The following GABRB2 variants were observed in gnomAD, a reference collection of about 807,000 sequenced individuals.
The protein encoded by GABRB2 is gamma-aminobutyric acid type A receptor subunit beta2, also known as gamma-aminobutyric acid receptor subunit beta-2.
A neutral mutation model predicts 54.7 loss-of-function variants in GABRB2; 16 were observed. The observed-to-expected ratio is 0.29, with a 90% CI of 0.20 to 0.44. GABRB2 has a LOEUF of 0.44. Among genes scored for constraint, GABRB2 ranks in the 20% least tolerant of loss-of-function variants. The probability of loss-of-function intolerance (pLI) is 1.00; values close to 1 mark genes in which losing one functional copy is unlikely to be tolerated. For missense variants in GABRB2, 355 were observed against 644.0 expected, an observed-to-expected ratio of 0.55 and a Z score of 4.86; for synonymous variants, 244 against 233.8, an observed-to-expected ratio of 1.04 and a Z score of -0.40.
chr5:161,382,126 A>G (rs1427616188), intron 5 of GABRB2, among the ~76,000 whole-genome samples: 1 of 152,142 alleles, frequency 6.6e-6, no homozygotes, highest in Non-Finnish European at 1.5e-5. Context: ...TTGGTCCAAT[A>G]CATTGAAGGC....
intron 9 of GABRB2, among the ~76,000 whole-genome samples, chr5:161,321,370 T>C (rs907840331): frequency 6.6e-6 from 1 of 152,112 alleles, no homozygotes; most frequent in Admixed American, 6.6e-5. Context: ...ATATTTATTA[T>C]CCAGCTTTTT....
intron 3 of GABRB2, among the ~76,000 whole-genome samples, chr5:161,463,918 A>G (rs567362044): frequency 6.6e-6 from 1 of 151,956 alleles, no homozygotes; most frequent in African/African-American, 2.4e-5. Context: ...AAAAAATTTG[A>G]CCCATACTTC....
chr5:161,505,409 G>A (rs576162209), intron 3 of GABRB2, among the ~76,000 whole-genome samples: 70 of 152,228 alleles, frequency 4.6e-4, no homozygotes, highest in African/African-American at 1.7e-3. Flanking sequence ...GGGATTACAG[G>A]CGTGAGCCAC....
At chr5:161,308,496 A>G (rs1207423050) in intron 9 of GABRB2, among the ~76,000 whole-genome samples, 1 of 152,226 alleles carries the variant, frequency 6.6e-6, no homozygotes, top group Non-Finnish European at 1.5e-5. Context: ...CAGAACTAGA[A>G]AAAACTATCC....
In GABRB2 at chr5:161,326,559, G is replaced by T. The variant is rs1758369969; in HGVS notation, c.1078-78C>A. On this transcript the variant is annotated intron_variant, in intron 8 of 9. Coordinates refer to ENST00000393959, the MANE Select transcript of GABRB2 (RefSeq NM_001371727.1). ...TAGGCCTGATGGTTAAAGTAAATTG[G>T]ATATAGATAAATGCTACTGGCCTTT... 6.1e-6 allele frequency: 9 copies of T among 1,480,922 alleles called. 1 individual carries two copies. In the South Asian group the frequency reaches 1.3e-4, roughly 21 times the overall value. The allele number at this position is 1,480,922 out of a possible 1,614,324, so 91.7% of individuals were successfully genotyped here. A position where few individuals can be genotyped will look rare whatever the true frequency, so the allele number is the denominator to read the frequency against.
intron 4 of GABRB2, among the ~76,000 whole-genome samples, chr5:161,444,071 C>T (rs2113216928): frequency 6.6e-6 from 1 of 152,234 alleles, no homozygotes; most frequent in East Asian, 1.9e-4. Flanking sequence ...GTCAAAGGGG[C>T]TTAAATACTT....
intron 3 of GABRB2, among the ~76,000 whole-genome samples, chr5:161,498,059 T>C (rs902176675): frequency 6.6e-6 from 1 of 152,162 alleles, no homozygotes; most frequent in Non-Finnish European, 1.5e-5. Flanking sequence ...CCATAATTTT[T>C]GTTGAAAAGC....
intron 4 of GABRB2, among the ~76,000 whole-genome samples, chr5:161,412,775 A>T (rs1460904230): frequency 2.0e-5 from 3 of 152,214 alleles, no homozygotes. Flanking sequence ...CCCTCAGTTA[A>T]AAATGACCTT....
chr5:161,410,859 T>C, intron 5 of GABRB2, 116 bp downstream of exon 5: 2 of 680,684 alleles, frequency 2.9e-6, no homozygotes, highest in South Asian at 4.2e-5. Flanking sequence ...CCAAATTTAG[T>C]TGGGCTAGCA....
intron 3 of GABRB2, among the ~76,000 whole-genome samples, chr5:161,471,407 T>A (rs147387575): frequency 5.3e-4 from 80 of 152,136 alleles, no homozygotes; most frequent in South Asian, 3.5e-3. Flanking sequence ...ATAGAAGGCA[T>A]CACGCCAGAT....
chr5:161,351,390 A>G (rs1318250439), intron 5 of GABRB2, among the ~76,000 whole-genome samples: 1 of 152,130 alleles, frequency 6.6e-6, no homozygotes, highest in African/African-American at 2.4e-5. Flanking sequence ...CCAGAAATAA[A>G]TCCACATATT....
chr5:161,420,538 G>A (rs73800505), intron 4 of GABRB2, among the ~76,000 whole-genome samples: 2,234 of 152,196 alleles, frequency 0.015, 54 homozygotes, highest in African/African-American at 0.05. Context: ...TTGGAGGAGC[G>A]GGAGACCAGG....
At chr5:161,531,862 A>T (rs1760474161) in intron 3 of GABRB2, among the ~76,000 whole-genome samples, 2 of 152,168 alleles carry the variant, frequency 1.3e-5, no homozygotes, top group Non-Finnish European at 2.9e-5. Context: ...GCATATTAAT[A>T]CATAAATAAA....
intron 9 of GABRB2, among the ~76,000 whole-genome samples, chr5:161,313,549 G>C (rs567020548): frequency 6.7e-6 from 1 of 149,800 alleles, no homozygotes; most frequent in Non-Finnish European, 1.5e-5. Flanking sequence ...ACTGACTGCC[G>C]TTAGACTGAG....
chr5:161,399,556 T>A (rs1756118415), intron 5 of GABRB2, among the ~76,000 whole-genome samples: 2 of 152,158 alleles, frequency 1.3e-5, no homozygotes, highest in Admixed American at 1.3e-4. Flanking sequence ...CCAGCAGGAC[T>A]AGTGGCTGCC....
At chr5:161,343,457 ATT>A (rs1481379536) in intron 5 of GABRB2, among the ~76,000 whole-genome samples, 2 of 152,056 alleles carry the variant, frequency 1.3e-5, no homozygotes, top group Non-Finnish European at 2.9e-5. Flanking sequence ...AAAATGTCAG[ATT>A]GTGGGTTTTA....
chr5:161,389,359 C>A (rs909435112), intron 5 of GABRB2, among the ~76,000 whole-genome samples: 1 of 152,000 alleles, frequency 6.6e-6, no homozygotes, highest in African/African-American at 2.4e-5. Context: ...ATTATTTCTT[C>A]TACTGACTCA....
intron 4 of GABRB2, among the ~76,000 whole-genome samples, chr5:161,450,076 C>T (rs1163768368): frequency 6.6e-6 from 1 of 152,158 alleles, no homozygotes; most frequent in Admixed American, 6.6e-5. Context: ...CACTACTGTA[C>T]ACATTCTTCA....
At chr5:161,532,690 T>C (rs1209269203) in intron 3 of GABRB2, among the ~76,000 whole-genome samples, 2 of 152,304 alleles carry the variant, frequency 1.3e-5, no homozygotes, top group South Asian at 2.1e-4. Context: ...TGATTCTTTC[T>C]AGATTCCAGA....
Sources: gnomAD v4.1 joint callset for allele counts (sites outside exome capture counted in the v4.1 genomes callset) on GRCh38, gnomAD v4.1.1 for gene constraint, MANE v1.5 for transcripts, NCBI Gene and HGNC (gene_info 2026-07-23, HGNC 2026-07-21) for gene names.